Variants in BRD9 observed in about 807,000 individuals in gnomAD.
BRD9 encodes bromodomain-containing protein 9.
Under a neutral mutation model 68.7 loss-of-function variants are expected in BRD9, and 47 were observed. The ratio of observed to expected loss-of-function variants is 0.68; its 90% CI spans 0.54 to 0.87. The LOEUF (loss-of-function observed/expected upper bound fraction) is 0.87, where lower values mean the gene tolerates loss of function less well. BRD9 is among the 40% of genes least tolerant of loss of function. The probability of loss-of-function intolerance (pLI) is 0.00; values close to 1 mark genes in which losing one functional copy is unlikely to be tolerated. For missense variants in BRD9, 670 were observed against 748.4 expected, an observed-to-expected ratio of 0.90 and a Z score of 1.22; for synonymous variants, 313 against 293.9, an observed-to-expected ratio of 1.06 and a Z score of -0.67.
rs1470695887 is a variant in BRD9, at chr5:865,578, T to C, written c.1529A>G (p.Lys510Arg). Residue 510 changes from lysine (K) to arginine (R), a missense_variant, in exon 15 of 16, where the codon AAG (lysine) becomes AGG (arginine). Lys to Arg is a conservative substitution (Grantham distance 26). Around this residue, in one of 5 missense-constraint regions of BRD9, gnomAD observed 280 missense variants for 281.5 expected, o/e 0.99. Transcript: ENST00000467963. ...GTCAGGGTCCAGCTCCTTCTTCACCTTCCCTGTGTAAACAGGACATGACCC... is the reference window on the plus strand; with the variant it reads ...GTCAGGGTCCAGCTCCTTCTTCACCCTCCCTGTGTAAACAGGACATGACCC... ...VDISMLSSLG[K>R]VKKELDPDDS... 6.9e-6 allele frequency: 11 copies of C among 1,597,582 alleles called. No individual in the cohort carries two copies. Among genetic ancestry groups the C allele is most frequent in the African/African-American group, 1.3e-5 (1 of 74,906 alleles).
intron 9 of BRD9, 111 bp from the exon 10 acceptor site, chr5:880,000 GT>G: frequency 8.8e-7 from 1 of 1,132,772 alleles, no homozygotes; most frequent in Non-Finnish European, 1.3e-6. Flanking sequence ...ATTGGTGCAG[GT>G]GGGGGGATTT....
intron 12 of BRD9, among the ~76,000 whole-genome samples, chr5:874,751 G>A (rs999422697): frequency 1.3e-5 from 2 of 152,238 alleles, no homozygotes; most frequent in African/African-American, 2.4e-5. Flanking sequence ...AGCGCGGGAC[G>A]ACATCATCAG....
At chr5:891,086 C>G in intron 3 of BRD9, 69 bp downstream of exon 3, 4 of 1,469,674 alleles carry the variant, frequency 2.7e-6, no homozygotes, top group Non-Finnish European at 3.6e-6. Flanking sequence ...CAACAGGACA[C>G]GGTGCCGACC....
At chr5:885,688 G>A (rs896971004) in intron 7 of BRD9, among the ~76,000 whole-genome samples, 3 of 152,260 alleles carry the variant, frequency 2.0e-5, no homozygotes, top group Non-Finnish European at 4.4e-5. Context: ...ACACGGCCAT[G>A]AGGGTGGATG....
chr5:870,125 C>T (rs1211735280), intron 14 of BRD9, among the ~76,000 whole-genome samples: 3 of 152,184 alleles, frequency 2.0e-5, no homozygotes, highest in African/African-American at 7.2e-5. Flanking sequence ...AGCCTCCAGG[C>T]GTCCAGCAAT....
chr5:883,204 C>T (rs73733957), intron 8 of BRD9: 7,102 of 397,532 alleles, frequency 0.018, 409 homozygotes, highest in African/African-American at 0.13. Context: ...CCCACTTCAG[C>T]GTTCTTTACA....
intron 1 of BRD9, 128 bp downstream of exon 1, chr5:892,478 G>A: frequency 6.9e-7 from 1 of 1,440,156 alleles, no homozygotes; most frequent in Non-Finnish European, 9.1e-7. Flanking sequence ...CCCCTCCCGC[G>A]TGCCCAGAAC....
chr5:865,484 G>T lies in BRD9; in HGVS notation c.1623C>A (p.Arg541=). The part of the protein sequence containing the change: ...LQDLHEAQAE[R]GGSRPSSNLS... ...GGTTGGACGACGGCCGAGAGCCGCC[G>T]CGCTCCGCCTGTGCTTCGTGCAGGT... Residue 541 remains arginine (R), a synonymous_variant, in exon 15 of 16, where the codon CGC becomes CGA. Transcript: ENST00000467963. 6.2e-7 allele frequency: 1 copy of T among 1,603,288 alleles called. No individual in the cohort carries two copies. The highest frequency in any genetic ancestry group is 8.5e-7 in the Non-Finnish European group (1 of 1,174,658).
At chr5:878,262 T>C in intron 11 of BRD9, 93 bp downstream of exon 11, 2 of 1,554,492 alleles carry the variant, frequency 1.3e-6, no homozygotes, top group Non-Finnish European at 1.7e-6. Flanking sequence ...GATGGCTCTC[T>C]CCCCACCCGC....
At chr5:876,684 A>G (rs181573628) in intron 11 of BRD9, among the ~76,000 whole-genome samples, 5 of 152,204 alleles carry the variant, frequency 3.3e-5, no homozygotes, top group African/African-American at 1.2e-4. Context: ...TTAAAAAATA[A>G]AATATAATAC....
At position 891,769 on chromosome 5, in the gene BRD9, G is replaced by C. The variant is rs1425240254; in HGVS notation, c.138C>G (p.Gly46=). Residue 46 remains glycine, a synonymous_variant, in exon 2 of 16, where the codon GGC becomes GGG. Coordinates refer to ENST00000467963, the MANE Select transcript of BRD9 (RefSeq NM_023924.5). ...GSEVTELSGS[G]HDSSYYDDRS... is the part of the protein sequence containing the mutation. ...TGTCATCATAGTAACTGGAGTCGTG[G>C]CCGGATCCTGAGAGTTCAGTCACTT... is the stretch of plus-strand genomic sequence containing the variant. 7 of 1,551,632 alleles carry C rather than the reference G, an allele frequency of 4.5e-6. No individual in the cohort carries two copies. The African/African-American group carries it at 8.2e-5, about 18-fold the overall frequency.
At chr5:892,077 G>C (rs1424046594) in intron 1 of BRD9, 3 of 660,120 alleles carry the variant, frequency 4.5e-6, no homozygotes, top group Non-Finnish European at 7.5e-6. Flanking sequence ...TCGAGCCACG[G>C]TGTCCTCACC....
Position 886,671 on chromosome 5 carries a change from C to T in BRD9, c.754G>A (p.Glu252Lys), listed in dbSNP as rs1560924887. 3 of 1,614,170 alleles carry T rather than the reference C, an allele frequency of 1.9e-6. No individual in the cohort carries two copies. The South Asian group carries it at 3.3e-5, about 18-fold the overall frequency. ...GGTACAACTTCAGGGACAGGTTCCT[C>T]AACAGCTGTATCTTCATTGCCCAAA... ...ALLGNEDTAV[E>K]EPVPEVVPVQ... is the part of the protein sequence containing the mutation. Residue 252 changes from glutamate (E) to lysine (K), a missense_variant, in exon 7 of 16, where the codon GAG (glutamate) becomes AAG (lysine). This residue lies in a region of BRD9 where 135 missense variants were observed against 141.2 expected (regional missense o/e 0.96). Coordinates refer to ENST00000467963, the MANE Select transcript of BRD9 (RefSeq NM_023924.5).
intron 6 of BRD9, 45 bp from the exon 7 acceptor site, chr5:886,752 A>G: frequency 6.2e-7 from 1 of 1,613,258 alleles, no homozygotes; most frequent in Non-Finnish European, 8.5e-7. Context: ...CTGCGCTTCA[A>G]AGCTAACAGC....
Position 864,455 on chromosome 5 carries a change from A to G in BRD9, c.*13T>C. ...TAAAAAAATAAAATAAAAGAGCTGA[A>G]GGTGGTCTAGAGTTAGGTCTTGGCA... On this transcript the variant is annotated 3_prime_UTR_variant, in exon 16 of 16. Coordinates refer to ENST00000467963, the MANE Select transcript of BRD9 (RefSeq NM_023924.5). 2 of 1,566,236 alleles carry G rather than the reference A, an allele frequency of 1.3e-6. No homozygotes were observed. The highest frequency in any genetic ancestry group is 1.7e-6 in the Non-Finnish European group (2 of 1,150,218).
rs1753580645 is a variant in BRD9 at position 892,398 on chromosome 5, C to G, written c.52+208G>C. The G allele has an allele frequency of 5.0e-6, 6 of 1,202,970 alleles. No individual in the cohort carries two copies. In the Admixed American group the frequency reaches 1.3e-4, roughly 27 times the overall value. 74.5% of individuals were successfully genotyped at this position (1,202,970 alleles called of 1,614,324 possible). ...CTTGCAGCCTCGAACCCAGAACCCT[C>G]TACCAGGAACGTAAGCGCCTACCCA... On this transcript the variant is annotated intron_variant, in intron 1 of 15. Coordinates refer to ENST00000467963, the MANE Select transcript of BRD9 (RefSeq NM_023924.5).
At chr5:874,107 GTTT>G (rs1226992740) in intron 12 of BRD9, among the ~76,000 whole-genome samples, 1 of 152,146 alleles carries the variant, frequency 6.6e-6, no homozygotes, top group Admixed American at 6.5e-5. Context: ...CGTTCTAAAT[GTTT>G]TTTTATCTTT....
intron 9 of BRD9, among the ~76,000 whole-genome samples, chr5:880,896 C>A (rs1459873978): frequency 6.6e-6 from 1 of 152,230 alleles, no homozygotes; most frequent in Admixed American, 6.5e-5. Context: ...GAGCCCTGAC[C>A]GAGGTCTGAC....
At chr5:891,995 G>A (rs1753495630) in intron 1 of BRD9, 141 bp from the exon 2 acceptor site, 1 of 1,341,610 alleles carries the variant, frequency 7.5e-7, no homozygotes, top group Admixed American at 2.7e-5. Flanking sequence ...AGACGGAAGG[G>A]AAGACCACAG....
Sources: allele counts gnomAD v4.1 joint callset (sites outside exome capture counted in the v4.1 genomes callset), GRCh38; gene constraint gnomAD v4.1.1; regional missense constraint gnomAD v4.1.1; transcripts MANE v1.5; gene names NCBI Gene and HGNC (gene_info 2026-07-23, HGNC 2026-07-21).